HEXD: variants seen among roughly 807,000 people sequenced by gnomAD.
The protein encoded by HEXD is hexosaminidase D, also known as N-acetyl-beta-galactosaminidase.
In HEXD, 47 loss-of-function variants were observed where a neutral mutation model predicts 54.2. That is an observed-to-expected ratio of 0.87 (90% CI 0.69 to 1.11). HEXD has a LOEUF of 1.11. Ranked by LOEUF, HEXD falls within the 50% of genes least tolerant of loss-of-function variation. The pLI is 0.00. For synonymous variants in HEXD, 293 were observed against 287.6 expected (o/e 1.02, Z -0.19); for missense variants, 576 against 649.2 (o/e 0.89, Z 1.23).
intron 11 of HEXD, 39 bp from the exon 12 acceptor site, chr17:82,441,761 T>G (rs1476673180): frequency 6.5e-7 from 1 of 1,549,356 alleles, no homozygotes; most frequent in Non-Finnish European, 8.9e-7. Context: ...ACGGCTGCCT[T>G]GGTAGCCCGC....
intron 4 of HEXD, among the ~76,000 whole-genome samples, chr17:82,429,152 C>T (rs2053505615): frequency 1.3e-5 from 2 of 151,952 alleles, no homozygotes; most frequent in Non-Finnish European, 1.5e-5. Flanking sequence ...CCCAGCTGCT[C>T]GGGAGGCTGG....
rs755052327 is a variant in HEXD at position 82,428,651 on chromosome 17, T to C, written c.282+6T>C. The C allele has an allele frequency of 3.1e-6, 5 of 1,611,550 alleles. No individual in the cohort carries two copies. Among genetic ancestry groups the C allele is most frequent in the Non-Finnish European group, 4.2e-6 (5 of 1,177,890 alleles). ...AGACATTTGGACACATGGAGGTGAG[T>C]GGCAGAAATGGAAGTTACCTGGTGC... is the stretch of plus-strand genomic sequence containing the variant. On this transcript the variant is annotated splice_donor_region_variant and intron_variant, in intron 4 of 12. Transcript: ENST00000327949.
At chr17:82,435,924 T>C (rs1327518664) in intron 6 of HEXD, 52 bp downstream of exon 6, 2 of 1,539,806 alleles carry the variant, frequency 1.3e-6, no homozygotes, top group East Asian at 4.5e-5. Context: ...GCCCAAGACC[T>C]GCGGCTTCAA....
chr17:82,435,967 G>C lies in HEXD; in HGVS notation c.631+95G>C. 9 of 1,298,412 alleles carry C rather than the reference G, an allele frequency of 6.9e-6. No homozygotes were observed. The East Asian group carries it at 9.8e-5, about 14-fold the overall frequency. 80.4% of individuals were successfully genotyped at this position (1,298,412 alleles called of 1,614,324 possible). On this transcript the variant is annotated intron_variant, in intron 6 of 12. Transcript: ENST00000327949. ...AGGTGCTGTAGGAAGTGGGCCCCAG[G>C]GTGAGCCCCAGCCCCGCACAGACCC...
chr17:82,435,325 T>C (rs181965033), intron 5 of HEXD, among the ~76,000 whole-genome samples: 3 of 152,266 alleles, frequency 2.0e-5, no homozygotes, highest in Non-Finnish European at 4.4e-5. Flanking sequence ...ACACAGTGTA[T>C]GACCTGTGCT....
chr17:82,420,347 C>T (rs898639912), intron 2 of HEXD: 3 of 152,580 alleles, frequency 2.0e-5, no homozygotes, highest in Admixed American at 6.6e-5. Context: ...AGTGTGAAGA[C>T]CCAGGAGGAT....
At chr17:82,437,537 C>G (rs995955707) in intron 8 of HEXD, among the ~76,000 whole-genome samples, 174 bp downstream of exon 8, 1 of 152,222 alleles carries the variant, frequency 6.6e-6, no homozygotes, top group African/African-American at 2.4e-5. Context: ...CACGCCAGAG[C>G]GGCCGCTGAG....
chr17:82,441,373 TGCAG>T, intron 11 of HEXD, 107 bp downstream of exon 11: 1 of 1,217,708 alleles, frequency 8.2e-7, no homozygotes. Flanking sequence ...GAGGGGCAGG[TGCAG>T]GTGAGCGGGC....
Position 82,441,107 on chromosome 17 carries a change from C to G in HEXD, c.1061+32C>G, listed in dbSNP as rs543677677. ...ACCCTGCAGCCCTCCCTGTCCCCTTCTTCCCCTCCCCTTCCCCCGCCCGTG... is the reference window on the plus strand; with the variant it reads ...ACCCTGCAGCCCTCCCTGTCCCCTTGTTCCCCTCCCCTTCCCCCGCCCGTG... On this transcript the variant is annotated intron_variant, in intron 10 of 12. Coordinates refer to ENST00000327949, the MANE Select transcript of HEXD (RefSeq NM_001330542.2). 2.4e-4 allele frequency: 387 copies of G among 1,613,596 alleles called. 3 individuals carry two copies. In the South Asian group the frequency reaches 4.1e-3, roughly 17 times the overall value.
Position 82,433,744 on chromosome 17 carries a change from G to A in HEXD, c.369G>A (p.Leu123=), listed in dbSNP as rs1182310710. 4 of 1,613,208 alleles carry A rather than the reference G, an allele frequency of 2.5e-6. No homozygotes were observed. Among genetic ancestry groups the A allele is most frequent in the Non-Finnish European group, 3.4e-6 (4 of 1,179,862 alleles). ...CTLNPHEAES[L]ALVGAMIDQV... is the part of the protein sequence containing the mutation. ...TGAACCCCCACGAGGCAGAGTCCCT[G>A]GCGCTGGTGGGCGCCATGATTGACC... The change falls in exon 5 of 13, where the codon CTG becomes CTA. Residue 123 remains leucine, a synonymous_variant. Coordinates refer to ENST00000327949, the MANE Select transcript of HEXD (RefSeq NM_001330542.2).
chr17:82,433,537 C>T (rs2053671004), intron 4 of HEXD, 121 bp from the exon 5 acceptor site: 1 of 973,396 alleles, frequency 1.0e-6, no homozygotes, highest in Non-Finnish European at 1.5e-6. Flanking sequence ...AGGACTGAGA[C>T]TCTCTGCCTG....
intron 5 of HEXD, 113 bp from the exon 6 acceptor site, chr17:82,435,576 G>C: frequency 1.9e-6 from 2 of 1,061,888 alleles, no homozygotes; most frequent in Non-Finnish European, 2.7e-6. Context: ...CCCCTCCCTG[G>C]CCTCCTCCCC....
At position 82,433,704 on chromosome 17, in the gene HEXD, C is replaced by A. The variant is rs1230330469; in HGVS notation, c.329C>A (p.Ser110Tyr). ...TAFAHLREVG[S>Y]FPCTLNPHEA... ...TTCGCCCACCTGCGGGAGGTGGGCT[C>A]CTTCCCCTGCACCCTGAACCCCCAC... Residue 110 changes from serine to tyrosine, a missense_variant, in exon 5 of 13, where the codon TCC becomes TAC. Ser to Tyr is a moderately radical substitution (Grantham distance 144, BLOSUM62 -2). Transcript: ENST00000327949. 6.2e-7 allele frequency: 1 copy of A among 1,612,020 alleles called. No homozygotes were observed. Among genetic ancestry groups the A allele is most frequent in the African/African-American group, 1.3e-5 (1 of 74,812 alleles).
intron 7 of HEXD, 60 bp from the exon 8 acceptor site, chr17:82,437,108 G>A: frequency 2.1e-6 from 3 of 1,436,038 alleles, no homozygotes; most frequent in South Asian, 1.3e-5. Context: ...CGGGAGGCGT[G>A]TCCAGGGCCG....
intron 2 of HEXD, chr17:82,420,098 C>G (rs933143057): frequency 2.7e-6 from 1 of 370,806 alleles, no homozygotes; most frequent in Non-Finnish European, 4.8e-6. Flanking sequence ...AAAAAAAAGA[C>G]AGAGAACAAA....
At chr17:82,425,356 G>C (rs1478474319) in intron 3 of HEXD, 1 of 186,056 alleles carries the variant, frequency 5.4e-6, no homozygotes, top group African/African-American at 2.4e-5. Context: ...GGCCAGGGAA[G>C]GTCAGAGGAG....
intron 4 of HEXD, 95 bp downstream of exon 4, chr17:82,428,740 C>T (rs934817997): frequency 3.8e-6 from 4 of 1,053,832 alleles, no homozygotes; most frequent in South Asian, 1.3e-5. Flanking sequence ...GTGCAGCGGG[C>T]CCATGGTTGG....
chr17:82,440,160 C>T (rs1181904798), intron 9 of HEXD: 6 of 1,291,038 alleles, frequency 4.6e-6, no homozygotes, highest in South Asian at 2.5e-5. Context: ...GGGCAGGCAC[C>T]GGGGAACCCC....
rs779875532 is a variant in HEXD, at chr17:82,418,373, C to G, written c.-419C>G. On this transcript the variant is annotated 5_prime_UTR_variant, in exon 1 of 13. Coordinates refer to ENST00000327949, the MANE Select transcript of HEXD (RefSeq NM_001330542.2). ...GTCCCGCCCACTCCATGGCCCTGTC[C>G]GCCGCCGCAGCGCGCGCCCTTCCCC... 4 of 1,418,568 alleles carry G rather than the reference C, an allele frequency of 2.8e-6. No individual in the cohort carries two copies. Among genetic ancestry groups the G allele is most frequent in the Non-Finnish European group, 3.7e-6 (4 of 1,070,460 alleles). The allele number at this position is 1,418,568 out of a possible 1,614,324, so 87.9% of individuals were successfully genotyped here.
Sources: gnomAD v4.1 joint callset for allele counts (sites outside exome capture counted in the v4.1 genomes callset) on GRCh38, gnomAD v4.1.1 for gene constraint, MANE v1.5 for transcripts, NCBI Gene and HGNC (gene_info 2026-07-23, HGNC 2026-07-21) for gene names.